The following PDE5A variants were observed in gnomAD, a reference collection of about 807,000 sequenced individuals.
PDE5A encodes cGMP-specific 3',5'-cyclic phosphodiesterase.
In PDE5A, 67 loss-of-function variants were observed where a neutral mutation model predicts 110.2. The observed-to-expected ratio is 0.61, with a 90% CI of 0.50 to 0.75. The LOEUF (loss-of-function observed/expected upper bound fraction) is 0.75, where lower values mean the gene tolerates loss of function less well. Among genes scored for constraint, PDE5A ranks in the 30% least tolerant of loss-of-function variants. PDE5A has a pLI of 0.00. For synonymous variants in PDE5A, 328 were observed against 351.2 expected, an observed-to-expected ratio of 0.93 and a Z score of 0.74; for missense variants, 862 against 1,045.1, an observed-to-expected ratio of 0.82 and a Z score of 2.42.
chr4:119,540,220 T>C (rs1726878993), intron 10 of PDE5A, among the ~76,000 whole-genome samples: 1 of 151,970 alleles, frequency 6.6e-6, no homozygotes, highest in African/African-American at 2.4e-5. Context: ...ATTTTCAAAC[T>C]TTAAATGGTG....
rs1443593248 is a variant in PDE5A, at chr4:119,560,458, C to T, written c.1132-95G>A. On this transcript the variant is annotated intron_variant, in intron 6 of 20. Coordinates refer to ENST00000354960, the MANE Select transcript of PDE5A (RefSeq NM_001083.4). Reference sequence around the variant, plus strand: ...ACATGCTATGGAATTGACAAAAGACCCCAATACTTGTAGTATATTTTTACT... The same window carrying T: ...ACATGCTATGGAATTGACAAAAGACTCCAATACTTGTAGTATATTTTTACT... The T allele has an allele frequency of 4.9e-6, 3 of 617,440 alleles. No individual in the cohort carries two copies. In the South Asian group the frequency reaches 9.3e-5, roughly 19 times the overall value. 38.2% of individuals were successfully genotyped at this position (617,440 alleles called of 1,614,324 possible).
chr4:119,531,160 A>G (rs568160121), intron 11 of PDE5A, among the ~76,000 whole-genome samples: 2 of 152,338 alleles, frequency 1.3e-5, no homozygotes, highest in South Asian at 4.1e-4. Context: ...CTGGTTATAC[A>G]TTATGAATAA....
chr4:119,608,742 C>T (rs917962642), intron 1 of PDE5A, among the ~76,000 whole-genome samples: 2 of 152,122 alleles, frequency 1.3e-5, no homozygotes, highest in Non-Finnish European at 2.9e-5. Flanking sequence ...AATCTCAAAT[C>T]TACAATGACA....
chr4:119,583,284 C>T (rs1728651033), intron 3 of PDE5A, among the ~76,000 whole-genome samples: 1 of 152,194 alleles, frequency 6.6e-6, no homozygotes, highest in Non-Finnish European at 1.5e-5. Flanking sequence ...CACGAGACAA[C>T]CTCTGCTAGC....
intron 1 of PDE5A, among the ~76,000 whole-genome samples, chr4:119,609,148 C>T (rs949000194): frequency 9.3e-5 from 14 of 150,324 alleles, no homozygotes; most frequent in African/African-American, 2.7e-4. Flanking sequence ...GGCTACAGTT[C>T]GAGACTCCGT....
At chr4:119,566,206 A>G (rs1467683921) in intron 4 of PDE5A, among the ~76,000 whole-genome samples, 1 of 152,102 alleles carries the variant, frequency 6.6e-6, no homozygotes, top group African/African-American at 2.4e-5. Context: ...CTCGATTTAA[A>G]AAGTATTTGC....
At chr4:119,531,230 C>T (rs982091305) in intron 11 of PDE5A, among the ~76,000 whole-genome samples, 4 of 152,058 alleles carry the variant, frequency 2.6e-5, no homozygotes, top group African/African-American at 9.7e-5. Flanking sequence ...GTAAGCTTTC[C>T]ACCTACCTAA....
At position 119,501,257 on chromosome 4, in the gene PDE5A, A is replaced by G; in HGVS notation, c.2407-4T>C. On this transcript the variant is annotated splice_region_variant and splice_polypyrimidine_tract_variant and intron_variant, in intron 19 of 20. Transcript: ENST00000354960. ...TCTTCTCCCTGTTCATTAGATCCTG[A>G]AAATACAAATACAGACCAGACACAC... 6.4e-7 allele frequency: 1 copy of G among 1,569,328 alleles called. No individual in the cohort carries two copies. The highest frequency in any genetic ancestry group is 1.1e-5 in the South Asian group (1 of 90,100).
At chr4:119,499,883 A>G (rs1725233659) in intron 20 of PDE5A, 1 of 152,024 alleles carries the variant, frequency 6.6e-6, no homozygotes, top group Non-Finnish European at 1.5e-5. Flanking sequence ...TGAGAACATA[A>G]CTATTTCTGT....
At chr4:119,617,740 T>C (rs1050507670) in intron 1 of PDE5A, among the ~76,000 whole-genome samples, 3 of 152,138 alleles carry the variant, frequency 2.0e-5, no homozygotes, top group African/African-American at 7.2e-5. Flanking sequence ...AAATAATGTA[T>C]CAAAGGATAA....
intron 14 of PDE5A, among the ~76,000 whole-genome samples, chr4:119,511,726 G>A (rs1424976425): frequency 6.6e-6 from 1 of 152,088 alleles, no homozygotes; most frequent in African/African-American, 2.4e-5. Context: ...CCCCATGTAG[G>A]ATCCAGGTCA....
intron 2 of PDE5A, among the ~76,000 whole-genome samples, chr4:119,597,318 CT>C (rs1729188316): frequency 7.4e-6 from 1 of 134,496 alleles, no homozygotes; most frequent in Non-Finnish European, 1.6e-5. Context: ...TTTTTTTTTT[CT>C]TTTTTTGTTC....
Position 119,538,940 on chromosome 4 carries a change from AAAAG to A in PDE5A, c.1632+16_1632+19del, listed in dbSNP as rs778315578. 5.7e-5 allele frequency: 91 copies of A among 1,595,624 alleles called. 2 individuals carry two copies. The South Asian group carries it at 8.6e-4, about 15-fold the overall frequency. On this transcript the variant is annotated intron_variant, in intron 11 of 20. Coordinates refer to ENST00000354960, the MANE Select transcript of PDE5A (RefSeq NM_001083.4). ...AGGTGTCTGTAATTAGTAATTTTTA[AAAAG>A]AAAGAGGATAATTACCGCTAACGAC...
intron 11 of PDE5A, among the ~76,000 whole-genome samples, chr4:119,529,171 GTTAA>G (rs1029198622): frequency 6.6e-6 from 1 of 151,786 alleles, no homozygotes; most frequent in African/African-American, 2.4e-5. Flanking sequence ...TGTTTTTAAG[GTTAA>G]TTAATAATCT....
intron 3 of PDE5A, among the ~76,000 whole-genome samples, chr4:119,591,612 G>T (rs1386801632): frequency 1.3e-5 from 2 of 152,228 alleles, no homozygotes; most frequent in Non-Finnish European, 2.9e-5. Context: ...TAAATTTAAA[G>T]ATAATTCTGG....
intron 7 of PDE5A, among the ~76,000 whole-genome samples, chr4:119,559,376 T>C (rs1444812643): frequency 1.3e-5 from 2 of 152,130 alleles, no homozygotes; most frequent in Non-Finnish European, 2.9e-5. Context: ...GCACAAATAT[T>C]AAAAGATAAT....
At chr4:119,577,832 G>C (rs953321584) in intron 3 of PDE5A, among the ~76,000 whole-genome samples, 13 of 152,162 alleles carry the variant, frequency 8.5e-5, no homozygotes, top group Non-Finnish European at 1.5e-4. Flanking sequence ...GGAAGTTCTG[G>C]CCAGGGCAAT....
At position 119,525,829 on chromosome 4, in the gene PDE5A, C is replaced by A. The variant is rs898463368; in HGVS notation, c.1633-134G>T. 1.3e-6 allele frequency: 1 copy of A among 774,128 alleles called. No individual in the cohort carries two copies. Among genetic ancestry groups the A allele is most frequent in the Non-Finnish European group, 2.0e-6 (1 of 497,208 alleles). The allele number at this position is 774,128 out of a possible 1,614,324, so 48.0% of individuals were successfully genotyped here. On this transcript the variant is annotated intron_variant, in intron 11 of 20. Coordinates refer to ENST00000354960, the MANE Select transcript of PDE5A (RefSeq NM_001083.4). This position sits in a 1 kb window ranked among gnomAD's most constrained non-coding sequence, Gnocchi z 4.3. ...CCTTTTTAATGAAAGACACTAGAAA[C>A]CTTTTTGTACAGTGGCAACTCCACT... is the stretch of plus-strand genomic sequence containing the variant.
intron 3 of PDE5A, among the ~76,000 whole-genome samples, chr4:119,582,337 A>AGATT (rs1728616298): frequency 6.6e-6 from 1 of 152,214 alleles, no homozygotes; most frequent in African/African-American, 2.4e-5. Flanking sequence ...TTTTATCATG[A>AGATT]GATTGCGGCA....
Sources: allele counts gnomAD v4.1 joint callset (sites outside exome capture counted in the v4.1 genomes callset), GRCh38; gene constraint gnomAD v4.1.1; non-coding constraint Gnocchi (gnomAD v3.1); transcripts MANE v1.5; gene names NCBI Gene and HGNC (gene_info 2026-07-23, HGNC 2026-07-21).